MDGA2: variants seen among roughly 807,000 people sequenced by gnomAD.
MDGA2 encodes the protein MAM domain-containing glycosylphosphatidylinositol anchor protein 2.
MDGA2 carries 40 observed loss-of-function variants against 117.8 expected under a neutral mutation model. The observed-to-expected ratio is 0.34, with a 90% CI of 0.26 to 0.44. MDGA2 has a LOEUF of 0.44. MDGA2 is among the 20% of genes least tolerant of loss of function. The pLI, the probability that MDGA2 is intolerant of heterozygous loss-of-function variation, is 1.00. For missense variants in MDGA2, 1,123 were observed against 1,250.6 expected (o/e 0.90, Z 1.54); for synonymous variants, 452 against 439.0 (o/e 1.03, Z -0.37).
At chr14:47,126,128 C>T (rs1000454402) in intron 5 of MDGA2, among the ~76,000 whole-genome samples, 5 of 151,868 alleles carry the variant, frequency 3.3e-5, no homozygotes, top group African/African-American at 9.7e-5. Flanking sequence ...ATGAGAAATA[C>T]AGCTACATTA....
intron 5 of MDGA2, among the ~76,000 whole-genome samples, chr14:47,115,070 T>C (rs1405720289): frequency 6.6e-6 from 1 of 151,842 alleles, no homozygotes; most frequent in African/African-American, 2.4e-5. Context: ...AGGACAAAAG[T>C]GATCAACATT....
chr14:46,993,126 AGATT>A (rs1566564008), intron 8 of MDGA2, among the ~76,000 whole-genome samples: 1 of 152,158 alleles, frequency 6.6e-6, no homozygotes, highest in African/African-American at 2.4e-5. Context: ...AAATGTTAAC[AGATT>A]ATTAGAAATA....
intron 1 of MDGA2, among the ~76,000 whole-genome samples, chr14:47,634,521 G>A (rs1897292966): frequency 6.6e-6 from 1 of 152,060 alleles, no homozygotes; most frequent in Non-Finnish European, 1.5e-5. Context: ...TTTTATTAAT[G>A]TTGTCTGTTC....
chr14:46,953,101 A>G (rs993825770), intron 9 of MDGA2, among the ~76,000 whole-genome samples: 1 of 151,942 alleles, frequency 6.6e-6, no homozygotes, highest in South Asian at 2.1e-4. Flanking sequence ...ATGCAAATGT[A>G]AAACTGGCAA....
intron 1 of MDGA2, among the ~76,000 whole-genome samples, chr14:47,657,962 T>A (rs1011563816): frequency 1.3e-5 from 2 of 152,134 alleles, no homozygotes; most frequent in Non-Finnish European, 2.9e-5. Context: ...CAGTGTAGTA[T>A]CCTCAGTTAT....
intron 3 of MDGA2, among the ~76,000 whole-genome samples, chr14:47,207,722 T>G (rs1401160542): frequency 6.6e-6 from 1 of 152,056 alleles, no homozygotes; most frequent in Non-Finnish European, 1.5e-5. Flanking sequence ...TGATTGCATA[T>G]CTGCCTCAGC....
intron 6 of MDGA2, among the ~76,000 whole-genome samples, chr14:47,095,829 A>G (rs1439034139): frequency 6.6e-6 from 1 of 152,044 alleles, no homozygotes; most frequent in East Asian, 1.9e-4. Context: ...CAAAATCACA[A>G]GTGTTTATCT....
At chr14:46,889,287 T>C (rs1305315006) in intron 10 of MDGA2, among the ~76,000 whole-genome samples, 1 of 152,094 alleles carries the variant, frequency 6.6e-6, no homozygotes, top group South Asian at 2.1e-4. Flanking sequence ...GAGTAGGCAC[T>C]TTTCACATCA....
chr14:47,669,308 G>T (rs1429787340), intron 1 of MDGA2, among the ~76,000 whole-genome samples: 1 of 152,102 alleles, frequency 6.6e-6, no homozygotes, highest in Admixed American at 6.6e-5. Flanking sequence ...TGCCTTCCTG[G>T]AATTACTTTT....
chr14:47,370,925 C>G (rs1369922768), intron 1 of MDGA2, among the ~76,000 whole-genome samples: 1 of 151,670 alleles, frequency 6.6e-6, no homozygotes, highest in Non-Finnish European at 1.5e-5. Flanking sequence ...CATTTTATGT[C>G]TCGAACCTTA....
intron 1 of MDGA2, among the ~76,000 whole-genome samples, chr14:47,336,225 C>T (rs961481933): frequency 3.3e-5 from 5 of 151,778 alleles, no homozygotes; most frequent in Admixed American, 6.6e-5. Flanking sequence ...TTACCTTTAA[C>T]AACACACAAG....
chr14:47,064,802 C>CT (rs998507095), intron 6 of MDGA2, among the ~76,000 whole-genome samples: 2 of 152,004 alleles, frequency 1.3e-5, no homozygotes, highest in African/African-American at 4.8e-5. Flanking sequence ...TAAACGCTCT[C>CT]TTTTTCCGTG....
At chr14:47,255,920 T>A (rs1887602153) in intron 2 of MDGA2, among the ~76,000 whole-genome samples, 1 of 152,130 alleles carries the variant, frequency 6.6e-6, no homozygotes, top group South Asian at 2.1e-4. Flanking sequence ...TTAACTGATG[T>A]TATCCCATCT....
At chr14:47,094,103 T>G (rs1040910953) in intron 6 of MDGA2, among the ~76,000 whole-genome samples, 1 of 149,990 alleles carries the variant, frequency 6.7e-6, no homozygotes, top group Non-Finnish European at 1.5e-5. Flanking sequence ...CTCATATTAT[T>G]GTAGTGGTTT....
intron 1 of MDGA2, among the ~76,000 whole-genome samples, chr14:47,584,900 G>A (rs963315228): frequency 6.6e-6 from 1 of 151,678 alleles, no homozygotes; most frequent in Non-Finnish European, 1.5e-5. Flanking sequence ...TCCTTAGAAT[G>A]CCTTCCTCTT....
intron 1 of MDGA2, among the ~76,000 whole-genome samples, chr14:47,477,283 T>C (rs1337955531): frequency 6.6e-6 from 1 of 152,216 alleles, no homozygotes; most frequent in Non-Finnish European, 1.5e-5. Context: ...ACATTTTTTT[T>C]CAGTTTTTAG....
intron 2 of MDGA2, among the ~76,000 whole-genome samples, chr14:47,253,625 G>A (rs2139649005): frequency 6.6e-6 from 1 of 152,294 alleles, no homozygotes; most frequent in African/African-American, 2.4e-5. Flanking sequence ...TGCTTTCATG[G>A]GCTGGTGTTG....
chr14:46,965,598 C>A (rs1378206219), intron 8 of MDGA2, among the ~76,000 whole-genome samples: 2 of 152,090 alleles, frequency 1.3e-5, no homozygotes, highest in South Asian at 4.1e-4. Context: ...ATAGTGCACT[C>A]AAGTCTGTCA....
intron 8 of MDGA2, among the ~76,000 whole-genome samples, chr14:46,963,056 C>T (rs1367977751): frequency 6.6e-6 from 1 of 151,950 alleles, no homozygotes; most frequent in Non-Finnish European, 1.5e-5. Flanking sequence ...AGTTTAGTAC[C>T]ATTAAGGAAT....
Sources: gnomAD v4.1 joint callset for allele counts (sites outside exome capture counted in the v4.1 genomes callset) on GRCh38, gnomAD v4.1.1 for gene constraint, MANE v1.5 for transcripts, NCBI Gene and HGNC (gene_info 2026-07-23, HGNC 2026-07-21) for gene names.